RBFOX1: variants seen among roughly 807,000 people sequenced by gnomAD.
The protein encoded by RBFOX1 is RNA binding fox-1 homolog 1, also known as RNA binding protein fox-1 homolog 1.
Under a neutral mutation model 57.7 loss-of-function variants are expected in RBFOX1, and 8 were observed. The ratio of observed to expected loss-of-function variants is 0.14; its 90% CI spans 0.08 to 0.25. The LOEUF (loss-of-function observed/expected upper bound fraction) is 0.25, where lower values mean the gene tolerates loss of function less well. Ranked by LOEUF, RBFOX1 falls within the 10% of genes least tolerant of loss-of-function variation. The probability of loss-of-function intolerance (pLI) is 1.00; values close to 1 mark genes in which losing one functional copy is unlikely to be tolerated. For missense variants in RBFOX1, 611 were observed against 548.5 expected, an observed-to-expected ratio of 1.11 and a Z score of -1.14; for synonymous variants, 326 against 222.4, an observed-to-expected ratio of 1.47 and a Z score of -4.15.
At chr16:7,704,137 T>A (rs2081642330) in intron 14 of RBFOX1, among the ~76,000 whole-genome samples, 1 of 152,168 alleles carries the variant, frequency 6.6e-6, no homozygotes, top group African/African-American at 2.4e-5. Context: ...AGCAAGGACA[T>A]CATAAAAGCA....
intron 4 of RBFOX1, among the ~76,000 whole-genome samples, chr16:7,094,498 A>T (rs1251248216): frequency 6.6e-6 from 1 of 152,122 alleles, no homozygotes; most frequent in Non-Finnish European, 1.5e-5. Flanking sequence ...GATAGAATAC[A>T]TCATTGCTTT....
intron 4 of RBFOX1, among the ~76,000 whole-genome samples, chr16:5,973,756 A>C (rs1328442052): frequency 1.3e-5 from 2 of 152,168 alleles, no homozygotes; most frequent in Non-Finnish European, 2.9e-5. Context: ...TCATTCATTC[A>C]ATTGTTTCTT....
intron 4 of RBFOX1, among the ~76,000 whole-genome samples, chr16:5,973,558 A>G (rs2060004309): frequency 1.3e-5 from 2 of 152,152 alleles, no homozygotes; most frequent in African/African-American, 2.4e-5. Context: ...TACTTTTGTT[A>G]TTGTTAGGTT....
intron 1 of RBFOX1, among the ~76,000 whole-genome samples, chr16:6,147,293 C>G (rs2096765680): frequency 6.6e-6 from 1 of 152,182 alleles, no homozygotes. Context: ...TCCTTCCTTA[C>G]CATTCTGTGC....
At chr16:6,817,555 A>T (rs2090349808) in intron 3 of RBFOX1, among the ~76,000 whole-genome samples, 1 of 135,022 alleles carries the variant, frequency 7.4e-6, no homozygotes, top group Non-Finnish European at 1.7e-5. Context: ...AAAAAAAAAA[A>T]TTTAACTGGA....
intron 4 of RBFOX1, among the ~76,000 whole-genome samples, chr16:7,092,518 C>T (rs543209150): frequency 1.3e-5 from 2 of 152,296 alleles, no homozygotes; most frequent in South Asian, 2.1e-4. Flanking sequence ...CAGCGAATGG[C>T]GATTCCAGAA....
intron 10 of RBFOX1, among the ~76,000 whole-genome samples, chr16:7,608,420 G>A (rs544823492): frequency 6.6e-6 from 1 of 152,322 alleles, no homozygotes. Context: ...TTACGTAGGC[G>A]ATGTTTGGAG....
intron 4 of RBFOX1, among the ~76,000 whole-genome samples, chr16:7,366,550 A>T (rs921309180): frequency 1.3e-5 from 2 of 152,116 alleles, no homozygotes; most frequent in Non-Finnish European, 2.9e-5. Context: ...TGGTCCAACC[A>T]TGGAGGCTGC....
chr16:5,337,098 G>T (rs2064917339), intron 1 of RBFOX1, among the ~76,000 whole-genome samples: 1 of 152,210 alleles, frequency 6.6e-6, no homozygotes, highest in Non-Finnish European at 1.5e-5. Context: ...CGGAGCTGAA[G>T]AGATGGCCGG....
At chr16:7,451,441 CT>C (rs1432979783) in intron 4 of RBFOX1, among the ~76,000 whole-genome samples, 1 of 152,032 alleles carries the variant, frequency 6.6e-6, no homozygotes, top group Non-Finnish European at 1.5e-5. Flanking sequence ...CTTGGGCGGG[CT>C]CACTTTTCTA....
At chr16:5,695,910 T>C (rs1312438561) in intron 3 of RBFOX1, among the ~76,000 whole-genome samples, 1 of 152,166 alleles carries the variant, frequency 6.6e-6, no homozygotes, top group African/African-American at 2.4e-5. Context: ...GTTGTACCTC[T>C]TAAATATATG....
chr16:7,591,028 C>T (rs2094418510), intron 7 of RBFOX1, among the ~76,000 whole-genome samples: 1 of 152,114 alleles, frequency 6.6e-6, no homozygotes, highest in African/African-American at 2.4e-5. Context: ...AGATGAGTGA[C>T]TGCAGTAGCC....
chr16:6,218,880 A>T (rs1218677450), intron 1 of RBFOX1, among the ~76,000 whole-genome samples: 1 of 152,056 alleles, frequency 6.6e-6, no homozygotes, highest in African/African-American at 2.4e-5. Flanking sequence ...AGAAGGAGAA[A>T]AAGTCCTAAT....
intron 1 of RBFOX1, among the ~76,000 whole-genome samples, chr16:5,389,256 A>G (rs1274275433): frequency 6.6e-6 from 1 of 152,204 alleles, no homozygotes; most frequent in Non-Finnish European, 1.5e-5. Context: ...AGAATGAAGG[A>G]CACAAAGAAG....
intron 3 of RBFOX1, among the ~76,000 whole-genome samples, chr16:6,678,180 G>A (rs893652523): frequency 6.6e-6 from 1 of 152,224 alleles, no homozygotes; most frequent in Admixed American, 6.5e-5. Context: ...CTGGAGTGCA[G>A]TGGCACAATC....
intron 1 of RBFOX1, among the ~76,000 whole-genome samples, chr16:5,290,602 G>T (rs1031267013): frequency 1.3e-5 from 2 of 152,084 alleles, no homozygotes; most frequent in East Asian, 3.8e-4. Context: ...TGACACTTAA[G>T]GAGAGGCCTA....
At chr16:7,373,172 A>T (rs541702241) in intron 4 of RBFOX1, among the ~76,000 whole-genome samples, 1 of 152,172 alleles carries the variant, frequency 6.6e-6, no homozygotes, top group Non-Finnish European at 1.5e-5. Flanking sequence ...TGACCTTGTG[A>T]TCTACCTGCC....
intron 4 of RBFOX1, among the ~76,000 whole-genome samples, chr16:7,176,134 C>G (rs554617537): frequency 1.3e-4 from 20 of 151,358 alleles, no homozygotes; most frequent in African/African-American, 4.9e-4. Flanking sequence ...TATTGGAATC[C>G]CGGTGCTACA....
chr16:6,526,002 T>C (rs2096572622), intron 2 of RBFOX1, among the ~76,000 whole-genome samples: 1 of 152,062 alleles, frequency 6.6e-6, no homozygotes, highest in Admixed American at 6.5e-5. Flanking sequence ...CCCCAAGATA[T>C]CCAGTATGAG....
Sources: allele counts gnomAD v4.1 joint callset (sites outside exome capture counted in the v4.1 genomes callset), GRCh38; gene constraint gnomAD v4.1.1; transcripts MANE v1.5; gene names NCBI Gene and HGNC (gene_info 2026-07-23, HGNC 2026-07-21).